Variants in PTPRT observed in about 807,000 individuals in gnomAD.
The protein encoded by PTPRT is protein tyrosine phosphatase receptor type T, also known as receptor-type tyrosine-protein phosphatase T.
Under a neutral mutation model 176.8 loss-of-function variants are expected in PTPRT, and 56 were observed. The ratio of observed to expected loss-of-function variants is 0.32; its 90% CI spans 0.26 to 0.40. PTPRT has a LOEUF of 0.40. PTPRT is among the 10% of genes least tolerant of loss of function. The pLI, the probability that PTPRT is intolerant of heterozygous loss-of-function variation, is 1.00. For synonymous variants in PTPRT, 783 were observed against 739.0 expected (o/e 1.06, Z -0.96); for missense variants, 1,540 against 1,908.2 (o/e 0.81, Z 3.60).
intron 7 of PTPRT, chr20:42,606,575 G>A (rs1180011223): frequency 6.6e-6 from 1 of 152,200 alleles, no homozygotes; most frequent in Non-Finnish European, 1.5e-5. Flanking sequence ...AAATGAGCCT[G>A]TGATATAGAA....
chr20:42,244,516 T>C (rs1487527250), intron 14 of PTPRT, among the ~76,000 whole-genome samples: 1 of 152,180 alleles, frequency 6.6e-6, no homozygotes, highest in African/African-American at 2.4e-5. Flanking sequence ...TTCCTAGTTC[T>C]CATTTGAAAA....
intron 7 of PTPRT, among the ~76,000 whole-genome samples, chr20:42,550,463 T>G (rs1349987893): frequency 6.6e-6 from 1 of 152,082 alleles, no homozygotes; most frequent in African/African-American, 2.4e-5. Flanking sequence ...TTTTTTTTAG[T>G]TGAGTTTCTA....
intron 13 of PTPRT, among the ~76,000 whole-genome samples, chr20:42,267,716 C>A (rs2056863130): frequency 6.6e-6 from 1 of 152,122 alleles, no homozygotes; most frequent in Admixed American, 6.5e-5. Context: ...CGGCCCCCAA[C>A]AAAGAACTAT....
chr20:42,235,920 T>A (rs1021279763), intron 15 of PTPRT, among the ~76,000 whole-genome samples: 2 of 152,206 alleles, frequency 1.3e-5, no homozygotes, highest in African/African-American at 4.8e-5. Context: ...ACAGCAGGAT[T>A]TGGTCCCCTG....
intron 1 of PTPRT, among the ~76,000 whole-genome samples, chr20:43,134,523 C>T (rs990355594): frequency 6.6e-6 from 1 of 152,222 alleles, no homozygotes; most frequent in Admixed American, 6.5e-5. Flanking sequence ...TTTCTATCCA[C>T]TGATCCCCAC....
intron 2 of PTPRT, among the ~76,000 whole-genome samples, chr20:42,865,786 C>T (rs900719415): frequency 3.9e-5 from 6 of 152,128 alleles, no homozygotes; most frequent in South Asian, 2.1e-4. Context: ...GCCAATTCTC[C>T]GCAGGGGAAA....
chr20:42,164,692 C>A (rs952241690), intron 16 of PTPRT, among the ~76,000 whole-genome samples: 1 of 152,202 alleles, frequency 6.6e-6, no homozygotes, highest in Non-Finnish European at 1.5e-5. Context: ...CTCTCAGGAA[C>A]CTACAAGTAA....
chr20:42,864,459 A>C (rs1026962515), intron 2 of PTPRT, among the ~76,000 whole-genome samples: 1 of 152,186 alleles, frequency 6.6e-6, no homozygotes, highest in Non-Finnish European at 1.5e-5. Context: ...GGACAAGAAG[A>C]AGCTGCTTGA....
intron 2 of PTPRT, among the ~76,000 whole-genome samples, chr20:42,880,975 G>A (rs1009465607): frequency 6.6e-6 from 1 of 152,186 alleles, no homozygotes; most frequent in African/African-American, 2.4e-5. Flanking sequence ...ATGCATCCTG[G>A]ACTTGAAAAG....
At chr20:42,914,844 T>C (rs1978630232) in intron 1 of PTPRT, among the ~76,000 whole-genome samples, 1 of 151,986 alleles carries the variant, frequency 6.6e-6, no homozygotes, top group South Asian at 2.1e-4. Flanking sequence ...GCTTATTATG[T>C]TATTCTGTAA....
At position 42,621,715 on chromosome 20, in the gene PTPRT, T is replaced by C. The variant is rs144216019; in HGVS notation, c.1153+56151A>G. On this transcript the variant is annotated intron_variant, in intron 7 of 30. Coordinates refer to ENST00000373187, the MANE Select transcript of PTPRT (RefSeq NM_007050.6). ...CAAGCTCTTTCCCTTCTCTTTCTGA[T>C]CTCATCTAGTACTATGAATTAAACT... 3.9e-3 allele frequency among the ~76,000 whole-genome samples: 599 copies of C among 152,318 alleles called. 4 individuals carry two copies. The Middle Eastern group carries it at 0.041, about 10-fold the overall frequency.
At chr20:42,407,470 A>T (rs866147960) in intron 9 of PTPRT, among the ~76,000 whole-genome samples, 3 of 152,330 alleles carry the variant, frequency 2.0e-5, no homozygotes, top group Non-Finnish European at 2.9e-5. Context: ...TCCAGTAGAC[A>T]TTCCTAATGA....
At chr20:43,134,254 G>C (rs914741299) in intron 1 of PTPRT, among the ~76,000 whole-genome samples, 3 of 152,192 alleles carry the variant, frequency 2.0e-5, no homozygotes, top group African/African-American at 7.2e-5. Flanking sequence ...TACTGACAAA[G>C]ATTCTTTGCT....
intron 1 of PTPRT, among the ~76,000 whole-genome samples, chr20:42,956,452 C>A (rs1052400008): frequency 2.1e-5 from 3 of 140,484 alleles, no homozygotes; most frequent in Admixed American, 2.1e-4. Flanking sequence ...CTACTCTAGC[C>A]GTGTGAGACA....
chr20:43,128,172 C>T lies in PTPRT; in HGVS notation c.88+61474G>A, dbSNP rs181612253. On this transcript the variant is annotated intron_variant, in intron 1 of 30. Transcript: ENST00000373187. ...AGTGGTGAGAAGCAGAGCAAGTCTG[C>T]ATGAAGTAAACATGTTAGAGGCAGA... 1.6e-3 allele frequency among the ~76,000 whole-genome samples: 239 copies of T among 152,284 alleles called. 2 individuals are homozygous for T. In the Middle Eastern group the frequency reaches 0.017, roughly 11 times the overall value.
intron 9 of PTPRT, among the ~76,000 whole-genome samples, chr20:42,402,664 C>T (rs1236378965): frequency 6.6e-6 from 1 of 152,062 alleles, no homozygotes; most frequent in Non-Finnish European, 1.5e-5. Context: ...ACTCAACAGT[C>T]TGGCTTCCAA....
the PTPRT span, among the ~76,000 whole-genome samples, chr20:42,037,319 T>A: frequency 6.6e-6 from 1 of 152,172 alleles, no homozygotes; most frequent in African/African-American, 2.4e-5. Flanking sequence ...AGAGCTCACA[T>A]GGAAGTTCCC....
chr20:42,077,073 T>C lies in PTPRT; in HGVS notation c.*3806A>G, dbSNP rs779595639. On this transcript the variant is annotated 3_prime_UTR_variant, in exon 31 of 31. Transcript: ENST00000373187. ...CTAGGAGCCTTAGTTTCCTCATCAGTAAATGGTGACAATCACAAACCCTCC... is the reference window on the plus strand; with the variant it reads ...CTAGGAGCCTTAGTTTCCTCATCAGCAAATGGTGACAATCACAAACCCTCC... The C allele has an allele frequency of 5.4e-6, 1 of 183,912 alleles. No homozygotes were observed. The highest frequency in any genetic ancestry group is 1.2e-5 in the Non-Finnish European group (1 of 86,630). 11.4% of individuals were successfully genotyped at this position (183,912 alleles called of 1,614,324 possible). A position where few individuals can be genotyped will look rare whatever the true frequency, so the allele number is the denominator to read the frequency against.
intron 6 of PTPRT, among the ~76,000 whole-genome samples, chr20:42,684,717 C>T (rs1458361615): frequency 2.0e-5 from 3 of 152,086 alleles, no homozygotes; most frequent in Non-Finnish European, 4.4e-5. Flanking sequence ...TACATACTGG[C>T]AATATTTTTG....
Sources: gnomAD v4.1 joint callset for allele counts (sites outside exome capture counted in the v4.1 genomes callset) on GRCh38, gnomAD v4.1.1 for gene constraint, MANE v1.5 for transcripts, NCBI Gene and HGNC (gene_info 2026-07-23, HGNC 2026-07-21) for gene names.